PACRG: variants seen among roughly 807,000 people sequenced by gnomAD.
PACRG encodes the protein parkin coregulated, also known as parkin coregulated gene protein.
PACRG carries 29 observed loss-of-function variants against 29.7 expected under a neutral mutation model. The ratio of observed to expected loss-of-function variants is 0.98; its 90% CI spans 0.73 to 1.33. The LOEUF (loss-of-function observed/expected upper bound fraction) is 1.33, where lower values mean the gene tolerates loss of function less well. Among genes scored for constraint, PACRG ranks in the 40% most tolerant of loss-of-function variants. The pLI is 0.00. For missense variants in PACRG, 279 were observed against 316.2 expected, an observed-to-expected ratio of 0.88 and a Z score of 0.89; for synonymous variants, 116 against 118.7, an observed-to-expected ratio of 0.98 and a Z score of 0.15.
intron 2 of PACRG, among the ~76,000 whole-genome samples, chr6:162,958,878 TATATATAGAGAG>T (rs1277098027): frequency 2.5e-3 from 50 of 20,146 alleles, no homozygotes; most frequent in African/African-American, 7.5e-3. Context: ...TATATATATA[TATATATAGAGAG>T]AGAGAGAGAG....
At chr6:162,749,607 A>G (rs937235281) in intron 1 of PACRG, among the ~76,000 whole-genome samples, 5 of 151,888 alleles carry the variant, frequency 3.3e-5, no homozygotes, top group African/African-American at 9.7e-5. Context: ...TGCAACCTCC[A>G]CCTCCCGGGT....
intron 4 of PACRG, among the ~76,000 whole-genome samples, chr6:163,171,577 C>G (rs956053390): frequency 6.6e-6 from 1 of 152,174 alleles, no homozygotes; most frequent in African/African-American, 2.4e-5. Flanking sequence ...AATCCTAGCA[C>G]GATTATAGCT....
intron 4 of PACRG, among the ~76,000 whole-genome samples, chr6:163,128,344 T>A (rs1816597555): frequency 6.6e-6 from 1 of 152,230 alleles, no homozygotes; most frequent in Non-Finnish European, 1.5e-5. Context: ...AGGCACTAAG[T>A]ATATTAGGAA....
rs142673088 is a variant in PACRG, at chr6:163,183,152, C to T, written c.613+93744C>T. 365 of 152,314 alleles carry T rather than the reference C, an allele frequency of 2.4e-3. 1 individual carries two copies. Among genetic ancestry groups the T allele is most frequent in the African/African-American group, 8.3e-3 (343 of 41,560 alleles). 9.4% of individuals were successfully genotyped at this position (152,314 alleles called of 1,614,324 possible). ...GAAGGTATGAAGGCAAACATTCCCA[C>T]GACGTGTTCGGGGAACCGTGAGTAG... On this transcript the variant is annotated intron_variant, in intron 4 of 4. Coordinates refer to ENST00000366888, the MANE Select transcript of PACRG (RefSeq NM_001080379.2).
intron 4 of PACRG, among the ~76,000 whole-genome samples, chr6:163,103,517 A>C (rs1443754781): frequency 2.0e-5 from 3 of 151,568 alleles, no homozygotes; most frequent in Admixed American, 6.6e-5. Flanking sequence ...ACTTTGTTCC[A>C]CTTTTTTTTT....
At chr6:162,966,841 A>C (rs1318331641) in intron 2 of PACRG, among the ~76,000 whole-genome samples, 1 of 152,150 alleles carries the variant, frequency 6.6e-6, no homozygotes, top group African/African-American at 2.4e-5. Flanking sequence ...AATTGCTTTA[A>C]TTAGTAAGAA....
intron 2 of PACRG, among the ~76,000 whole-genome samples, chr6:162,836,184 A>G (rs535166938): frequency 2.0e-5 from 3 of 152,074 alleles, no homozygotes; most frequent in Non-Finnish European, 4.4e-5. Context: ...GGAAAAAGAG[A>G]TAATCACTTT....
At chr6:162,909,472 G>C (rs900711663) in intron 2 of PACRG, among the ~76,000 whole-genome samples, 1 of 147,854 alleles carries the variant, frequency 6.8e-6, no homozygotes. Context: ...GGAGAATGGC[G>C]TGAACCCAGG....
At chr6:162,955,775 T>C (rs769249124) in intron 2 of PACRG, among the ~76,000 whole-genome samples, 14 of 152,190 alleles carry the variant, frequency 9.2e-5, no homozygotes, top group Non-Finnish European at 2.1e-4. Context: ...AGTCTTGGTG[T>C]CCAAGGGCCC....
At chr6:162,857,516 G>A (rs1035971227) in intron 2 of PACRG, among the ~76,000 whole-genome samples, 2 of 152,096 alleles carry the variant, frequency 1.3e-5, no homozygotes, top group African/African-American at 2.4e-5. Flanking sequence ...TGTGAATAGC[G>A]GCTTGCACAT....
intron 2 of PACRG, among the ~76,000 whole-genome samples, chr6:162,884,517 TG>T (rs1794168938): frequency 2.0e-5 from 3 of 152,054 alleles, no homozygotes. Context: ...GGGTAAAGGG[TG>T]AATGGGATAT....
At chr6:163,150,298 T>C (rs1778026929) in intron 4 of PACRG, among the ~76,000 whole-genome samples, 1 of 152,200 alleles carries the variant, frequency 6.6e-6, no homozygotes, top group South Asian at 2.1e-4. Context: ...ATCCCGGAGC[T>C]AAACAAGGCT....
chr6:163,030,462 G>C (rs1348904696), intron 2 of PACRG, among the ~76,000 whole-genome samples: 1 of 152,052 alleles, frequency 6.6e-6, no homozygotes, highest in Non-Finnish European at 1.5e-5. Context: ...ACAAAAATCA[G>C]CAGCTACCGC....
intron 2 of PACRG, among the ~76,000 whole-genome samples, chr6:162,997,178 A>T (rs952323885): frequency 6.6e-6 from 1 of 152,212 alleles, no homozygotes; most frequent in Non-Finnish European, 1.5e-5. Flanking sequence ...TCTTCAGAAA[A>T]TATGTCATGC....
intron 2 of PACRG, among the ~76,000 whole-genome samples, chr6:162,830,269 G>C (rs1039382179): frequency 2.6e-5 from 4 of 152,158 alleles, no homozygotes; most frequent in Non-Finnish European, 4.4e-5. Flanking sequence ...ACTGGAATCA[G>C]GTGGAGTCAC....
chr6:163,095,308 A>G (rs779305179), intron 4 of PACRG: 23 of 985,176 alleles, frequency 2.3e-5, no homozygotes, highest in Non-Finnish European at 2.8e-5. Flanking sequence ...ACTGTAAATT[A>G]CGTCTCTATG....
intron 1 of PACRG, among the ~76,000 whole-genome samples, chr6:162,741,388 G>T (rs1780582393): frequency 6.6e-6 from 1 of 152,192 alleles, no homozygotes; most frequent in Non-Finnish European, 1.5e-5. Context: ...AGACTGGGAA[G>T]TTCAAGGTCA....
chr6:162,984,667 A>G (rs560363910), intron 2 of PACRG, among the ~76,000 whole-genome samples: 1 of 151,956 alleles, frequency 6.6e-6, no homozygotes, highest in East Asian at 1.9e-4. Context: ...CACCACATCC[A>G]TGCCAACATC....
intron 4 of PACRG, among the ~76,000 whole-genome samples, chr6:163,212,804 G>A (rs1781205081): frequency 6.6e-6 from 1 of 150,426 alleles, no homozygotes; most frequent in African/African-American, 2.5e-5. Context: ...TTTTGAGACG[G>A]AGTCTCGCTC....
Sources: gnomAD v4.1 joint callset for allele counts (sites outside exome capture counted in the v4.1 genomes callset) on GRCh38, gnomAD v4.1.1 for gene constraint, MANE v1.5 for transcripts, NCBI Gene and HGNC (gene_info 2026-07-23, HGNC 2026-07-21) for gene names.